SLC71A1: variants seen among roughly 807,000 people sequenced by gnomAD.
The protein encoded by SLC71A1 is solute carrier family 71 member 1, also known as hippocampus abundant gene transcript 1.
the SLC71A1 span, among the ~76,000 whole-genome samples, chr1:100,060,710 A>C: frequency 6.6e-6 from 1 of 151,822 alleles, no homozygotes; most frequent in East Asian, 1.9e-4. Context: ...GCTCCTAGTT[A>C]CAAGAGTCTG....
At chr1:100,068,583 A>G in the SLC71A1 span, 2 of 1,560,344 alleles carry the variant, frequency 1.3e-6, no homozygotes, top group Admixed American at 1.7e-5. Context: ...TATACCTCAG[A>G]CAGGTAAAAT....
chr1:100,048,235 G>A, the SLC71A1 span, among the ~76,000 whole-genome samples: 1 of 151,690 alleles, frequency 6.6e-6, no homozygotes, highest in Admixed American at 6.6e-5. Flanking sequence ...CTGGGGTGCA[G>A]TGGTGGGATC....
chr1:100,081,686 T>C, the SLC71A1 span, among the ~76,000 whole-genome samples: 5,054 of 152,318 alleles, frequency 0.033, 101 homozygotes, highest in Non-Finnish European at 0.045. Flanking sequence ...TGATTTTATT[T>C]TTGAGATCTT....
the SLC71A1 span, among the ~76,000 whole-genome samples, chr1:100,042,413 A>G: frequency 6.6e-6 from 1 of 152,140 alleles, no homozygotes; most frequent in South Asian, 2.1e-4. Flanking sequence ...TTAATTAAAT[A>G]GGAGTCAGCA....
chr1:100,064,612 G>T, the SLC71A1 span, among the ~76,000 whole-genome samples: 37,687 of 152,024 alleles, frequency 0.25, 7,309 homozygotes, highest in African/African-American at 0.55. Context: ...AAACTTCATA[G>T]AAATTAAATA....
At chr1:100,038,319 G>A in the SLC71A1 span, 17,798 of 1,553,464 alleles carry the variant, frequency 0.011, 118 homozygotes, top group Middle Eastern at 0.036. Flanking sequence ...GAGGCACGGT[G>A]AGCTGAGTTC....
the SLC71A1 span, among the ~76,000 whole-genome samples, chr1:100,052,123 C>T: frequency 6.6e-6 from 1 of 152,268 alleles, no homozygotes; most frequent in East Asian, 1.9e-4. Context: ...GGTTGTCAGG[C>T]AGCCCAACCA....
At chr1:100,064,474 A>C in the SLC71A1 span, among the ~76,000 whole-genome samples, 1 of 152,146 alleles carries the variant, frequency 6.6e-6, no homozygotes, top group Non-Finnish European at 1.5e-5. Context: ...ACCACAACCC[A>C]GTTATAGAAC....
the SLC71A1 span, chr1:100,058,539 C>T: frequency 1.5e-6 from 1 of 650,768 alleles, no homozygotes; most frequent in Non-Finnish European, 2.8e-6. Context: ...ATATGCATGT[C>T]ATACAAATCT....
chr1:100,058,098 C>T, the SLC71A1 span: 3 of 152,170 alleles, frequency 2.0e-5, no homozygotes, highest in South Asian at 6.2e-4. Flanking sequence ...AAAATTGATA[C>T]CACATGATTT....
the SLC71A1 span, chr1:100,078,304 C>A: frequency 7.0e-6 from 4 of 567,708 alleles, no homozygotes; most frequent in Middle Eastern, 3.4e-4. Flanking sequence ...GATTGTTAAG[C>A]GACTTGCCCA....
chr1:100,081,339 A>G, the SLC71A1 span, among the ~76,000 whole-genome samples: 1 of 152,082 alleles, frequency 6.6e-6, no homozygotes, highest in East Asian at 1.9e-4. Flanking sequence ...TTATTTTGCT[A>G]CTGTAGTAAA....
the SLC71A1 span, among the ~76,000 whole-genome samples, chr1:100,077,928 G>A: frequency 5.9e-5 from 9 of 152,296 alleles, no homozygotes; most frequent in African/African-American, 2.2e-4. Flanking sequence ...GTGATGATTT[G>A]TTCTCCAAAC....
chr1:100,066,381 C>A, the SLC71A1 span, among the ~76,000 whole-genome samples: 1 of 152,190 alleles, frequency 6.6e-6, no homozygotes, highest in Non-Finnish European at 1.5e-5. Flanking sequence ...ATTTTAGACT[C>A]CTTTCACAGA....
At chr1:100,053,791 G>A in the SLC71A1 span, among the ~76,000 whole-genome samples, 1 of 152,184 alleles carries the variant, frequency 6.6e-6, no homozygotes, top group Non-Finnish European at 1.5e-5. Context: ...CCCAGGGGAA[G>A]ATGGTGAGCC....
At chr1:100,043,400 A>G in the SLC71A1 span, among the ~76,000 whole-genome samples, 1 of 152,152 alleles carries the variant, frequency 6.6e-6, no homozygotes, top group Non-Finnish European at 1.5e-5. Flanking sequence ...AATTTCCAGT[A>G]CTTTATAACA....
At chr1:100,044,589 C>T in the SLC71A1 span, among the ~76,000 whole-genome samples, 1 of 147,066 alleles carries the variant, frequency 6.8e-6, no homozygotes, top group African/African-American at 2.5e-5. Context: ...GATCTTGGCT[C>T]CCTGCAACCT....
At chr1:100,078,634 G>A in the SLC71A1 span, 1 of 947,892 alleles carries the variant, frequency 1.1e-6, no homozygotes, top group South Asian at 1.5e-5. Flanking sequence ...TGAAACATAA[G>A]TATATCTTCA....
the SLC71A1 span, among the ~76,000 whole-genome samples, chr1:100,067,658 A>C: frequency 5.1e-3 from 781 of 152,144 alleles, 7 homozygotes; most frequent in African/African-American, 0.018. Flanking sequence ...TAAAAAATAA[A>C]CAAAATTAGC....
Sources: allele counts gnomAD v4.1 joint callset (sites outside exome capture counted in the v4.1 genomes callset), GRCh38; gene constraint gnomAD v4.1.1; transcripts MANE v1.5; gene names NCBI Gene and HGNC (gene_info 2026-07-23, HGNC 2026-07-21).